Variants in CLSTN2 observed in about 807,000 individuals in gnomAD.
CLSTN2 encodes the protein calsyntenin 2, also known as calsyntenin-2.
CLSTN2 carries 48 observed loss-of-function variants against 101.2 expected under a neutral mutation model. That is an observed-to-expected ratio of 0.47 (90% confidence interval 0.38 to 0.60). The LOEUF (loss-of-function observed/expected upper bound fraction) is 0.60. Ranked by LOEUF, CLSTN2 falls within the 20% of genes least tolerant of loss-of-function variation. The pLI is 0.00. For missense variants in CLSTN2, 1,160 were observed against 1,238.2 expected, an observed-to-expected ratio of 0.94 and a Z score of 0.95; for synonymous variants, 481 against 463.6, an observed-to-expected ratio of 1.04 and a Z score of -0.48.
At chr3:140,048,709 T>C (rs566798864) in intron 1 of CLSTN2, among the ~76,000 whole-genome samples, 18 of 149,156 alleles carry the variant, frequency 1.2e-4, no homozygotes, top group Non-Finnish European at 2.4e-4. Flanking sequence ...CTGGGGGGAG[T>C]GGGGGGCAGT....
chr3:140,371,835 G>C (rs995466745), intron 2 of CLSTN2, among the ~76,000 whole-genome samples: 2 of 152,174 alleles, frequency 1.3e-5, no homozygotes, highest in Admixed American at 1.3e-4. Context: ...TGATAAGTGG[G>C]CATGCTGTCT....
chr3:140,254,093 GA>G (rs1464530285), intron 2 of CLSTN2, among the ~76,000 whole-genome samples: 1 of 152,190 alleles, frequency 6.6e-6, no homozygotes, highest in Admixed American at 6.5e-5. Context: ...ATAGGAAGGA[GA>G]GACTCTTTAC....
intron 4 of CLSTN2, among the ~76,000 whole-genome samples, chr3:140,418,810 C>T (rs753179392): frequency 3.3e-5 from 5 of 152,192 alleles, no homozygotes; most frequent in Admixed American, 2.0e-4. Context: ...GCCACTGCGC[C>T]GGGCTGATTA....
At chr3:140,212,940 C>A (rs1238276429) in intron 2 of CLSTN2, among the ~76,000 whole-genome samples, 1 of 152,192 alleles carries the variant, frequency 6.6e-6, no homozygotes, top group Admixed American at 6.5e-5. Flanking sequence ...AGGGAAGGTG[C>A]AGTCTGTCTT....
chr3:140,314,747 A>C (rs2087212629), intron 2 of CLSTN2, among the ~76,000 whole-genome samples: 1 of 152,168 alleles, frequency 6.6e-6, no homozygotes, highest in Non-Finnish European at 1.5e-5. Context: ...CTTAAGAAGG[A>C]GCTTGTGCTG....
intron 2 of CLSTN2, among the ~76,000 whole-genome samples, chr3:140,295,824 A>T (rs913705726): frequency 6.6e-6 from 1 of 152,102 alleles, no homozygotes; most frequent in Non-Finnish European, 1.5e-5. Context: ...GTAAAGTCCT[A>T]TTTCTTAAGG....
rs1216063627 is a variant in CLSTN2 at position 140,563,152 on chromosome 3, C to T, written c.2431C>T (p.Leu811Phe). 6.2e-7 allele frequency: 1 copy of T among 1,614,160 alleles called. No homozygotes were observed. Among genetic ancestry groups the T allele is most frequent in the South Asian group, 1.1e-5 (1 of 91,080 alleles). ...TCATCTGATTGTGCAGCCTCCCTTC[C>T]TCCAGTCTGTCCATCATCCTGAGTC... ...VNHLIVQPPF[L>F]QSVHHPESRS... The change falls in exon 15 of 17, where the codon CTC (leucine) becomes TTC (phenylalanine). Residue 811 changes from leucine (L) to phenylalanine (F), a missense_variant. Physicochemically the swap from Leu to Phe is conservative, Grantham distance 22. Coordinates refer to ENST00000458420, the MANE Select transcript of CLSTN2 (RefSeq NM_022131.3).
At chr3:140,164,747 G>T (rs889881119) in intron 1 of CLSTN2, among the ~76,000 whole-genome samples, 5 of 152,162 alleles carry the variant, frequency 3.3e-5, no homozygotes, top group African/African-American at 1.2e-4. Flanking sequence ...TGGTTCAGAT[G>T]TCACTACCCA....
At chr3:140,436,231 G>A (rs1020436535) in intron 5 of CLSTN2, among the ~76,000 whole-genome samples, 5 of 152,188 alleles carry the variant, frequency 3.3e-5, no homozygotes, top group Non-Finnish European at 7.3e-5. Flanking sequence ...TTATATTTAA[G>A]TGTTTAATTC....
intron 5 of CLSTN2, among the ~76,000 whole-genome samples, chr3:140,432,188 AGTCTC>A (rs1377150478): frequency 8.5e-4 from 77 of 90,450 alleles, no homozygotes; most frequent in Admixed American, 2.7e-3. Context: ...CTCAGATTTC[AGTCTC>A]AGCTATGCCA....
At chr3:139,967,048 A>G (rs1297727050) in intron 1 of CLSTN2, among the ~76,000 whole-genome samples, 1 of 152,146 alleles carries the variant, frequency 6.6e-6, no homozygotes, top group Non-Finnish European at 1.5e-5. Context: ...GCAACTTATT[A>G]AGGTTATGCC....
intron 1 of CLSTN2, among the ~76,000 whole-genome samples, chr3:139,979,529 GGCA>G (rs1935879871): frequency 1.3e-5 from 2 of 152,088 alleles, no homozygotes; most frequent in Non-Finnish European, 2.9e-5. Context: ...CAGGCACAGA[GGCA>G]CATTTCTAAA....
rs60541490 is a variant in CLSTN2, at chr3:139,998,336, C to CTTTTTTTTTTTTTTTTTTTTTT, written c.109+62873_109+62874insTTTTTTTTTTTTTTTTTTTTTT. 1.3e-3 allele frequency among the ~76,000 whole-genome samples: 85 copies of CTTTTTTTTTTTTTTTTTTTTTT among 66,812 alleles called. 14 individuals are homozygous for CTTTTTTTTTTTTTTTTTTTTTT. Among genetic ancestry groups the CTTTTTTTTTTTTTTTTTTTTTT allele is most frequent in the East Asian group, 9.7e-3 (15 of 1,540 alleles). The allele number at this position is 66,812 out of a possible 152,430, so 43.8% of individuals were successfully genotyped here. A position where few individuals can be genotyped will look rare whatever the true frequency, so the allele number is the denominator to read the frequency against. Reference sequence around the variant, plus strand: ...ATGGGATAATAGTTCCCCCACATGCCTTTTTTTTTTTTTTTTTTTTGTGAC... The same window carrying CTTTTTTTTTTTTTTTTTTTTTT: ...ATGGGATAATAGTTCCCCCACATGCCTTTTTTTTTTTTTTTTTTTTTTTTTTTTTTTTTTTTTTTTTTGTGAC... On this transcript the variant is annotated intron_variant, in intron 1 of 16. Transcript: ENST00000458420.
At chr3:140,211,398 TCACACACACA>T (rs59994883) in intron 2 of CLSTN2, among the ~76,000 whole-genome samples, 2 of 113,406 alleles carry the variant, frequency 1.8e-5, no homozygotes, top group Admixed American at 9.5e-5. Context: ...GCTTGGTAAT[TCACACACACA>T]CACACACACA....
chr3:140,068,516 C>T (rs1351754559), intron 1 of CLSTN2, among the ~76,000 whole-genome samples: 1 of 152,162 alleles, frequency 6.6e-6, no homozygotes, highest in Non-Finnish European at 1.5e-5. Context: ...GAGATGCATT[C>T]AATAGCAATG....
At chr3:140,411,703 C>A (rs1048841402) in intron 4 of CLSTN2, among the ~76,000 whole-genome samples, 1 of 152,184 alleles carries the variant, frequency 6.6e-6, no homozygotes, top group African/African-American at 2.4e-5. Flanking sequence ...ACCAAGCTAG[C>A]TGGTATCTAC....
chr3:140,504,252 C>G (rs1232761717), intron 8 of CLSTN2, among the ~76,000 whole-genome samples: 4 of 152,034 alleles, frequency 2.6e-5, no homozygotes, highest in Non-Finnish European at 5.9e-5. Flanking sequence ...TTCATGAGAG[C>G]CTTTATTGTC....
At chr3:140,318,837 T>C (rs2087255793) in intron 2 of CLSTN2, among the ~76,000 whole-genome samples, 1 of 152,202 alleles carries the variant, frequency 6.6e-6, no homozygotes, top group South Asian at 2.1e-4. Context: ...AAGAGTAAAG[T>C]GGAGAATTTA....
intron 2 of CLSTN2, among the ~76,000 whole-genome samples, chr3:140,369,815 T>G (rs2087831129): frequency 6.6e-6 from 1 of 152,198 alleles, no homozygotes; most frequent in Non-Finnish European, 1.5e-5. Context: ...TGGAGAATCA[T>G]ATCTATAGAT....
Sources: gnomAD v4.1 joint callset for allele counts (sites outside exome capture counted in the v4.1 genomes callset) on GRCh38, gnomAD v4.1.1 for gene constraint, MANE v1.5 for transcripts, NCBI Gene and HGNC (gene_info 2026-07-23, HGNC 2026-07-21) for gene names.